PRDM16: variants seen among roughly 807,000 people sequenced by gnomAD.
PRDM16 encodes histone-lysine N-methyltransferase PRDM16.
Under a neutral mutation model 110.6 loss-of-function variants are expected in PRDM16, and 23 were observed. The observed-to-expected ratio is 0.21, with a 90% CI of 0.15 to 0.29. PRDM16 has a LOEUF of 0.29. Ranked by LOEUF, PRDM16 falls within the 10% of genes least tolerant of loss-of-function variation. PRDM16 has a pLI of 1.00. For missense variants in PRDM16, 1,615 were observed against 1,794.3 expected (o/e 0.90, Z 1.81); for synonymous variants, 799 against 781.8 (o/e 1.02, Z -0.37).
At chr1:3,430,781 G>A in intron 14 of PRDM16, 91 bp from the exon 15 acceptor site, 2 of 1,470,618 alleles carry the variant, frequency 1.4e-6, no homozygotes, top group East Asian at 2.3e-5. Context: ...GGGGGAGGCA[G>A]TGGGGGCAGA....
chr1:3,277,230 A>G (rs1640606450), intron 3 of PRDM16, among the ~76,000 whole-genome samples: 1 of 152,052 alleles, frequency 6.6e-6, no homozygotes, highest in African/African-American at 2.4e-5. Context: ...GGCCGGCCCC[A>G]TGCCTCTCTG....
intron 1 of PRDM16, among the ~76,000 whole-genome samples, chr1:3,113,626 C>T (rs1449248466): frequency 2.6e-5 from 4 of 152,236 alleles, no homozygotes; most frequent in African/African-American, 9.6e-5. Flanking sequence ...TCTTGCTGGT[C>T]GTCCTGGGCA....
rs911793033 is a variant in PRDM16, at chr1:3,213,069, C to T, written c.387+26595C>T. ...GGGGTCGGCTCGCCCGCCTGCCGCA[C>T]GCTTCCCCGGGAGGCCGAGCTCAGG... On this transcript the variant is annotated intron_variant, in intron 2 of 16. Transcript: ENST00000270722. This position sits in a 1 kb window ranked among gnomAD's most constrained non-coding sequence, Gnocchi z 5.3. Among the ~76,000 whole-genome samples the T allele has an allele frequency of 2.6e-5, 4 of 152,226 alleles. No individual in the cohort carries two copies. Among genetic ancestry groups the T allele is most frequent in the Admixed American group, 6.5e-5 (1 of 15,286 alleles).
At chr1:3,181,868 A>G (rs1014220290) in intron 1 of PRDM16, among the ~76,000 whole-genome samples, 4,500 of 101,276 alleles carry the variant, frequency 0.044, 164 homozygotes, top group Admixed American at 0.063. Context: ...ACGCAGTCTT[A>G]CACACGGTCT....
At chr1:3,236,991 CTG>C (rs1639553795) in intron 2 of PRDM16, among the ~76,000 whole-genome samples, 1 of 152,172 alleles carries the variant, frequency 6.6e-6, no homozygotes, top group African/African-American at 2.4e-5. Flanking sequence ...AGGGAGGAAG[CTG>C]GGGGGCACAG....
chr1:3,186,526 A>G, intron 2 of PRDM16, 52 bp downstream of exon 2: 6 of 1,221,498 alleles, frequency 4.9e-6, no homozygotes, highest in Non-Finnish European at 3.4e-6. Context: ...TCTTGTGTTC[A>G]ATCTATTTAT....
Position 3,074,809 on chromosome 1 carries a change from A to C in PRDM16, c.37+5513A>C, listed in dbSNP as rs150117663. Among the ~76,000 whole-genome samples the C allele has an allele frequency of 2.4e-3, 361 of 152,048 alleles. 2 individuals are homozygous for C. Among genetic ancestry groups the C allele is most frequent in the African/African-American group, 8.3e-3 (346 of 41,470 alleles). ...TAACCACCACCCACCGCCTCCACCC[A>C]CCGCCCAGCAGTCAGGGGGAGGTGG... On this transcript the variant is annotated intron_variant, in intron 1 of 16. Transcript: ENST00000270722.
At chr1:3,166,984 C>T (rs1005397235) in intron 1 of PRDM16, among the ~76,000 whole-genome samples, 1 of 152,206 alleles carries the variant, frequency 6.6e-6, no homozygotes, top group Non-Finnish European at 1.5e-5. Flanking sequence ...ACGGTGGACA[C>T]TGTCCAGTAA....
At chr1:3,330,760 T>G (rs548321617) in intron 3 of PRDM16, among the ~76,000 whole-genome samples, 4 of 152,178 alleles carry the variant, frequency 2.6e-5, no homozygotes, top group Non-Finnish European at 5.9e-5. Context: ...CGACAGAGCC[T>G]CCTAAGCGAG....
rs1643273298 is a variant in PRDM16 at position 3,390,110 on chromosome 1, T to C, written c.573+4824T>C. On this transcript the variant is annotated intron_variant, in intron 4 of 16. Transcript: ENST00000270722. The surrounding 1 kb of genome is among the most constrained non-coding windows in gnomAD (Gnocchi z 5.0). ...ACAGGGACAGTTCCTGAATTTGTTT[T>C]AACGTGAAGAAAGAAAACAAGAGCT... is the stretch of plus-strand genomic sequence containing the variant. 6.6e-6 allele frequency among the ~76,000 whole-genome samples: 1 copy of C among 152,200 alleles called. No homozygotes were observed. The highest frequency in any genetic ancestry group is 1.5e-5 in the Non-Finnish European group (1 of 68,032).
intron 3 of PRDM16, among the ~76,000 whole-genome samples, chr1:3,371,691 A>G (rs957673913): frequency 3.3e-5 from 5 of 152,192 alleles, no homozygotes; most frequent in African/African-American, 1.2e-4. Flanking sequence ...GGCTACCATC[A>G]TCAATTAGAG....
rs1643277214 is a variant in PRDM16 at position 3,390,330 on chromosome 1, T to C, written c.573+5044T>C. ...AGGTCAAACACAAATGTCGGGGAGC[T>C]GGACTCAGGGGTGCGGGCCCCCCAG... On this transcript the variant is annotated intron_variant, in intron 4 of 16. Transcript: ENST00000270722. The surrounding 1 kb of genome is among the most constrained non-coding windows in gnomAD (Gnocchi z 5.0). Among the ~76,000 whole-genome samples the C allele has an allele frequency of 6.6e-6, 1 of 152,050 alleles. No individual in the cohort carries two copies. The highest frequency in any genetic ancestry group is 2.4e-5 in the African/African-American group (1 of 41,408).
intron 3 of PRDM16, among the ~76,000 whole-genome samples, chr1:3,338,787 C>T (rs1642212974): frequency 6.6e-6 from 1 of 152,238 alleles, no homozygotes; most frequent in South Asian, 2.1e-4. Flanking sequence ...GGCCAGGGTC[C>T]TCTCTGGGCA....
intron 9 of PRDM16, among the ~76,000 whole-genome samples, chr1:3,413,776 T>C (rs575315722): frequency 1.3e-4 from 20 of 152,332 alleles, no homozygotes; most frequent in Non-Finnish European, 2.1e-4. Context: ...GCAGGCTGCC[T>C]TCAAGAGCCA....
In PRDM16 at chr1:3,081,310, C is replaced by T. The variant is rs1188643769; in HGVS notation, c.37+12014C>T. Among the ~76,000 whole-genome samples, 1 of 152,186 alleles carries T rather than the reference C, an allele frequency of 6.6e-6. No individual in the cohort carries two copies. The highest frequency in any genetic ancestry group is 1.9e-4 in the East Asian group (1 of 5,184). On this transcript the variant is annotated intron_variant, in intron 1 of 16. Transcript: ENST00000270722. This position sits in a 1 kb window ranked among gnomAD's most constrained non-coding sequence, Gnocchi z 4.6. ...GATAAGGGGTCATTCTGTGCTCTTT[C>T]CAGAGGGTTTTAGGTTGCGTCCGCT...
chr1:3,180,828 A>G lies in PRDM16; in HGVS notation c.38-5297A>G, dbSNP rs535856618. Among the ~76,000 whole-genome samples, 111 of 152,220 alleles carry G rather than the reference A, an allele frequency of 7.3e-4. 2 individuals carry two copies. The South Asian group carries it at 0.023, about 31-fold the overall frequency. ...CCCTGGACACCTTTTCAGGTTCCCA[A>G]CAGGGCCCTCTGCTTACACACGCAG... On this transcript the variant is annotated intron_variant, in intron 1 of 16. Coordinates refer to ENST00000270722, the MANE Select transcript of PRDM16 (RefSeq NM_022114.4).
At chr1:3,130,280 T>C (rs1458873832) in intron 1 of PRDM16, among the ~76,000 whole-genome samples, 1 of 151,940 alleles carries the variant, frequency 6.6e-6, no homozygotes, top group African/African-American at 2.4e-5. Context: ...GACCGTGGGG[T>C]TCTGGGGAGA....
In PRDM16 at chr1:3,180,421, G is replaced by A. The variant is rs372763593; in HGVS notation, c.38-5704G>A. On this transcript the variant is annotated intron_variant, in intron 1 of 16. Coordinates refer to ENST00000270722, the MANE Select transcript of PRDM16 (RefSeq NM_022114.4). ...TGGGTGTGCAGTTGTAAGAAACGCC[G>A]CGTAGAGGCCAGCCTGCCCTTGGCG... is the stretch of plus-strand genomic sequence containing the variant. Among the ~76,000 whole-genome samples, 8 of 152,188 alleles carry A rather than the reference G, an allele frequency of 5.3e-5. No individual in the cohort carries two copies. In the East Asian group the frequency reaches 5.8e-4, roughly 11 times the overall value.
In PRDM16 at chr1:3,165,111, T is replaced by G. The variant is rs113614402; in HGVS notation, c.38-21014T>G. Among the ~76,000 whole-genome samples, 270 of 152,346 alleles carry G rather than the reference T, an allele frequency of 1.8e-3. 2 individuals carry two copies. The highest frequency in any genetic ancestry group is 6.3e-3 in the African/African-American group (262 of 41,588). On this transcript the variant is annotated intron_variant, in intron 1 of 16. Transcript: ENST00000270722. ...GGGCCCCCCTCTGCCTGGCCCTTCA[T>G]GCAGGGACTCAGCAGGCAGGCAGTC... is the stretch of plus-strand genomic sequence containing the variant.
Sources: gnomAD v4.1 joint callset for allele counts (sites outside exome capture counted in the v4.1 genomes callset) on GRCh38, gnomAD v4.1.1 for gene constraint, Gnocchi (gnomAD v3.1) non-coding constraint, MANE v1.5 for transcripts, NCBI Gene and HGNC (gene_info 2026-07-23, HGNC 2026-07-21) for gene names.